Variants in SEMA4B observed in about 807,000 individuals in gnomAD.
The protein encoded by SEMA4B is semaphorin 4B, also known as semaphorin-4B.
SEMA4B carries 55 observed loss-of-function variants against 88.1 expected under a neutral mutation model. The observed-to-expected ratio is 0.62, with a 90% CI of 0.50 to 0.78. The LOEUF (loss-of-function observed/expected upper bound fraction) is 0.78. SEMA4B is among the 30% of genes least tolerant of loss of function. SEMA4B has a pLI of 0.00. For synonymous variants in SEMA4B, 525 were observed against 473.6 expected (o/e 1.11, Z -1.41); for missense variants, 1,062 against 1,111.9 (o/e 0.96, Z 0.64).
rs950867179 is a variant in SEMA4B, at chr15:90,225,341, C to G, written c.1465C>G (p.Leu489Val). 1 of 1,558,074 alleles carries G rather than the reference C, an allele frequency of 6.4e-7. No homozygotes were observed. Among genetic ancestry groups the G allele is most frequent in the Middle Eastern group, 2.1e-4 (1 of 4,698 alleles). Residue 489 changes from leucine (L) to valine (V), a missense_variant, in exon 11 of 14, where the codon CTG (leucine) becomes GTG (valine). Physicochemically the swap from Leu to Val is conservative, Grantham distance 32. Transcript: ENST00000411539. ...CCCCCGGGTGCACATCATTGAGGAG[C>G]TGCAGATCTTCTCATCGGGACAGCC... Reference protein sequence around the residue: ...VGPRVHIIEELQIFSSGQPVQ... With the variant: ...VGPRVHIIEEVQIFSSGQPVQ...
chr15:90,203,634 C>G (rs775603365), intron 1 of SEMA4B, among the ~76,000 whole-genome samples: 1 of 152,194 alleles, frequency 6.6e-6, no homozygotes, highest in Admixed American at 6.5e-5. Flanking sequence ...TCTACAAGCC[C>G]GTGACTGTTC....
intron 1 of SEMA4B, among the ~76,000 whole-genome samples, chr15:90,207,203 CTTG>C (rs1343858103): frequency 5.3e-5 from 8 of 152,180 alleles, no homozygotes; most frequent in African/African-American, 1.9e-4. Context: ...TGTGATCTGA[CTTG>C]TTGTGCATGG....
chr15:90,210,337 T>A (rs1231085666), intron 1 of SEMA4B, among the ~76,000 whole-genome samples: 1 of 152,008 alleles, frequency 6.6e-6, no homozygotes, highest in Non-Finnish European at 1.5e-5. Flanking sequence ...ATGAGGAGAT[T>A]TGGGGATCGC....
rs530407550 is a variant in SEMA4B, at chr15:90,206,675, C to T, written c.157+4940C>T. 1.9e-4 allele frequency: 134 copies of T among 690,624 alleles called. 1 individual carries two copies. Among genetic ancestry groups the T allele is most frequent in the South Asian group, 1.5e-3 (93 of 63,550 alleles). The allele number at this position is 690,624 out of a possible 1,614,324, so 42.8% of individuals were successfully genotyped here. A position where few individuals can be genotyped will look rare whatever the true frequency, so the allele number is the denominator to read the frequency against. On this transcript the variant is annotated intron_variant, in intron 1 of 13. Transcript: ENST00000411539. ...CCACGATGGCCTAGCACATGGAATT[C>T]GCAAAGCTACCAAAGCCTTAGACAA...
At chr15:90,220,363 TTTTC>T (rs1359003077) in intron 4 of SEMA4B, 4 of 125,674 alleles carry the variant, frequency 3.2e-5, no homozygotes, top group African/African-American at 1.3e-4. Context: ...TTTCTTTTTC[TTTTC>T]TTTTTTTTTT....
At chr15:90,201,815 C>A in intron 1 of SEMA4B, 80 bp downstream of exon 1, 1 of 1,317,578 alleles carries the variant, frequency 7.6e-7, no homozygotes, top group Non-Finnish European at 9.8e-7. Flanking sequence ...GTGGCCGTGA[C>A]AAAGGACCAA....
chr15:90,225,227 G>C (rs756415919), intron 10 of SEMA4B, 49 bp downstream of exon 10: 65 of 1,555,224 alleles, frequency 4.2e-5, no homozygotes, highest in Non-Finnish European at 1.0e-5. Context: ...GCACGTGGCT[G>C]GTGGGTCATG....
At chr15:90,196,352 T>C (rs1171073845), upstream of SEMA4B, among the ~76,000 whole-genome samples, 1 of 152,178 alleles carries the variant, frequency 6.6e-6, no homozygotes, top group Non-Finnish European at 1.5e-5. Context: ...TAGAGATAAA[T>C]GTTCCCTTTG....
chr15:90,227,305 C>A, intron 12 of SEMA4B: 1 of 459,738 alleles, frequency 2.2e-6, no homozygotes, highest in Non-Finnish European at 3.9e-6. Context: ...CCTTGGCCTC[C>A]CAAAGTGCTG....
chr15:90,191,246 C>T (rs1466595719), intron 1 of SEMA4B, among the ~76,000 whole-genome samples: 4 of 152,194 alleles, frequency 2.6e-5, no homozygotes, highest in African/African-American at 9.7e-5. Flanking sequence ...ACAGCGGACG[C>T]ACCTGGGACT....
chr15:90,227,552 C>T lies in SEMA4B; in HGVS notation c.1689-5C>T. Reference sequence around the variant, plus strand: ...GCCAATCCCAGAATTCTCTCTGGCCCTCAGGCCGTGGATCCAGGACATCGA... The same window carrying T: ...GCCAATCCCAGAATTCTCTCTGGCCTTCAGGCCGTGGATCCAGGACATCGA... On this transcript the variant is annotated splice_polypyrimidine_tract_variant and splice_region_variant and intron_variant, in intron 12 of 13. Transcript: ENST00000411539. 6.2e-7 allele frequency: 1 copy of T among 1,613,800 alleles called. No homozygotes were observed. Among genetic ancestry groups the T allele is most frequent in the Non-Finnish European group, 8.5e-7 (1 of 1,179,778 alleles).
intron 1 of SEMA4B, among the ~76,000 whole-genome samples, chr15:90,196,320 T>C (rs1467977656): frequency 6.6e-6 from 1 of 152,112 alleles, no homozygotes; most frequent in Non-Finnish European, 1.5e-5. Context: ...TGGTTAAGAT[T>C]GAGGCCCCGA....
chr15:90,225,632 G>T (rs369270198), intron 11 of SEMA4B, 29 bp from the exon 12 acceptor site: 2 of 1,551,898 alleles, frequency 1.3e-6, no homozygotes. Flanking sequence ...GCCCATGCCC[G>T]CTTCTCATCC....
intron 1 of SEMA4B, among the ~76,000 whole-genome samples, chr15:90,209,114 G>A (rs1961132539): frequency 6.6e-6 from 1 of 152,156 alleles, no homozygotes; most frequent in Non-Finnish European, 1.5e-5. Flanking sequence ...CTGGGCTGGA[G>A]CACTCTCACT....
In SEMA4B at chr15:90,228,263, A is replaced by G. The variant is rs530650425; in HGVS notation, c.2134A>G (p.Arg712Gly). 6.3e-6 allele frequency: 10 copies of G among 1,593,432 alleles called. 1 individual carries two copies. In the East Asian group the frequency reaches 1.1e-4, roughly 18 times the overall value. ...AGGKASWGAD[R>G]SYWKEFLVMC... ...TGGCAAGGCCAGCTGGGGTGCAGAC[A>G]GGTCCTACTGGAAGGAGTTCCTGGT... is the stretch of plus-strand genomic sequence containing the variant. The change falls in exon 14 of 14, where the codon AGG becomes GGG. Residue 712 changes from arginine (R) to glycine (G), a missense_variant. Transcript: ENST00000411539.
Position 90,229,461 on chromosome 15 carries a change from G to C in SEMA4B, c.*818G>C, listed in dbSNP as rs1376192935. 6.6e-6 allele frequency: 3 copies of C among 452,318 alleles called. No individual in the cohort carries two copies. The highest frequency in any genetic ancestry group is 1.3e-5 in the Non-Finnish European group (3 of 224,624). 28.0% of individuals were successfully genotyped at this position (452,318 alleles called of 1,614,324 possible). A position where few individuals can be genotyped will look rare whatever the true frequency, so the allele number is the denominator to read the frequency against. On this transcript the variant is annotated 3_prime_UTR_variant, in exon 14 of 14. Coordinates refer to ENST00000411539, the MANE Select transcript of SEMA4B (RefSeq NM_198925.4). ...CCATATCCACCCTCGCTCCATCTTTGAACTCAAACACGAGGAACTAACTGC... is the reference window on the plus strand; with the variant it reads ...CCATATCCACCCTCGCTCCATCTTTCAACTCAAACACGAGGAACTAACTGC...
At chr15:90,225,433 T>TG (rs745434829) in intron 11 of SEMA4B, 36 bp downstream of exon 11, 4 of 1,528,262 alleles carry the variant, frequency 2.6e-6, no homozygotes, top group Non-Finnish European at 2.7e-6. Flanking sequence ...GCAGGGTACT[T>TG]GGGGGGTGCC....
At chr15:90,188,152 C>T (rs1158081722) in intron 1 of SEMA4B, among the ~76,000 whole-genome samples, 3 of 151,688 alleles carry the variant, frequency 2.0e-5, no homozygotes, top group African/African-American at 4.8e-5. Flanking sequence ...AACTCAGTCT[C>T]TACAAAAAAT....
In SEMA4B at chr15:90,228,587, G is replaced by GT; in HGVS notation, c.2459dup (p.Cys821ValfsTer14). 6.2e-7 allele frequency: 1 copy of GT among 1,613,660 alleles called. No homozygotes were observed. Among genetic ancestry groups the GT allele is most frequent in the Non-Finnish European group, 8.5e-7 (1 of 1,179,884 alleles). The stretch of plus-strand genomic sequence containing the variant: ...AGACAGCTTCGTGGAGGTATCCCCA[G>GT]TGTGCCCCCGGCCCCGGGTCCGCCT... On this transcript the variant is annotated frameshift_variant, in exon 14 of 14. Coordinates refer to ENST00000411539, the MANE Select transcript of SEMA4B (RefSeq NM_198925.4). LOFTEE classifies it high-confidence loss of function.
Sources: gnomAD v4.1 joint callset for allele counts (sites outside exome capture counted in the v4.1 genomes callset) on GRCh38, gnomAD v4.1.1 for gene constraint, MANE v1.5 for transcripts, NCBI Gene and HGNC (gene_info 2026-07-23, HGNC 2026-07-21) for gene names.